FAM171B: variants seen among roughly 807,000 people sequenced by gnomAD.
The protein encoded by FAM171B is family with sequence similarity 171 member B.
In FAM171B, 19 loss-of-function variants were observed where a neutral mutation model predicts 75.6. The observed-to-expected ratio is 0.25, with a 90% CI of 0.18 to 0.37. The LOEUF (loss-of-function observed/expected upper bound fraction) is 0.37, where lower values mean the gene tolerates loss of function less well. Among genes scored for constraint, FAM171B ranks in the 10% least tolerant of loss-of-function variants. The pLI is 1.00. For missense variants in FAM171B, 848 were observed against 982.4 expected, an observed-to-expected ratio of 0.86 and a Z score of 1.83; for synonymous variants, 367 against 361.7, an observed-to-expected ratio of 1.01 and a Z score of -0.17.
chr2:186,720,844 CAG>C (rs1165012887), intron 1 of FAM171B, among the ~76,000 whole-genome samples: 1 of 151,768 alleles, frequency 6.6e-6, no homozygotes, highest in African/African-American at 2.4e-5. Flanking sequence ...TTGAAGATAA[CAG>C]TAATTTGTTT....
intron 1 of FAM171B, among the ~76,000 whole-genome samples, chr2:186,722,469 A>G (rs772938148): frequency 2.6e-5 from 4 of 152,204 alleles, no homozygotes; most frequent in Admixed American, 6.5e-5. Context: ...CTGTGCTCAT[A>G]TGTGCTTTAC....
At chr2:186,723,428 A>G (rs1158423895) in intron 1 of FAM171B, among the ~76,000 whole-genome samples, 2 of 152,240 alleles carry the variant, frequency 1.3e-5, no homozygotes, top group East Asian at 3.9e-4. Flanking sequence ...TTGTTTTCTC[A>G]AATGAGACTT....
intron 1 of FAM171B, among the ~76,000 whole-genome samples, chr2:186,700,638 G>A (rs145629964): frequency 8.3e-4 from 127 of 152,240 alleles, no homozygotes; most frequent in East Asian, 3.1e-3. Flanking sequence ...TGATTCTTCT[G>A]TTGAGGGGTA....
intron 1 of FAM171B, among the ~76,000 whole-genome samples, chr2:186,725,976 A>G (rs1690026431): frequency 6.6e-6 from 1 of 152,344 alleles, no homozygotes; most frequent in African/African-American, 2.4e-5. Flanking sequence ...ACCGGAGTCC[A>G]AATAGTAATG....
At chr2:186,724,608 C>A (rs1355682274) in intron 1 of FAM171B, among the ~76,000 whole-genome samples, 1 of 152,034 alleles carries the variant, frequency 6.6e-6, no homozygotes, top group African/African-American at 2.4e-5. Context: ...TCTTGGGACC[C>A]CTGAAACACG....
chr2:186,727,289 A>G (rs1252073871), intron 1 of FAM171B, among the ~76,000 whole-genome samples: 1 of 152,184 alleles, frequency 6.6e-6, no homozygotes, highest in Non-Finnish European at 1.5e-5. Context: ...CTAAGGGGAC[A>G]TTTATTTGAA....
chr2:186,719,669 T>C (rs1319060237), intron 1 of FAM171B, among the ~76,000 whole-genome samples: 1 of 152,240 alleles, frequency 6.6e-6, no homozygotes, highest in Non-Finnish European at 1.5e-5. Flanking sequence ...ACAGGAGCAG[T>C]CACATTGATA....
chr2:186,710,176 G>T (rs951292094), intron 1 of FAM171B, among the ~76,000 whole-genome samples: 4 of 152,296 alleles, frequency 2.6e-5, no homozygotes, highest in Admixed American at 2.0e-4. Context: ...CAGGCTGGGG[G>T]AACTGAGACA....
chr2:186,698,786 C>CA (rs1327200952), intron 1 of FAM171B, among the ~76,000 whole-genome samples: 1 of 152,160 alleles, frequency 6.6e-6, no homozygotes, highest in Non-Finnish European at 1.5e-5. Context: ...TCCCCACTCC[C>CA]AATACCCTTC....
chr2:186,757,948 G>C lies in FAM171B; in HGVS notation c.1013-3165G>C, dbSNP rs991221461. ...AATCCTCCATACAGATCTACAGCTAGCAGAAAGTTACTCTCATTTCTTTTT... is the reference window on the plus strand; with the variant it reads ...AATCCTCCATACAGATCTACAGCTACCAGAAAGTTACTCTCATTTCTTTTT... On this transcript the variant is annotated intron_variant, in intron 6 of 7. Transcript: ENST00000304698. Among the ~76,000 whole-genome samples the C allele has an allele frequency of 8.0e-4, 121 of 152,182 alleles. 1 individual carries two copies. The highest frequency in any genetic ancestry group is 2.7e-3 in the African/African-American group (114 of 41,460).
chr2:186,738,997 G>A (rs566137809), intron 1 of FAM171B, among the ~76,000 whole-genome samples: 1 of 152,234 alleles, frequency 6.6e-6, no homozygotes, highest in East Asian at 1.9e-4. Flanking sequence ...ATAGGCTATT[G>A]CTCCTAAGCT....
chr2:186,717,654 A>T lies in FAM171B; in HGVS notation c.239-22574A>T, dbSNP rs868626464. Among the ~76,000 whole-genome samples the T allele has an allele frequency of 1.1e-4, 17 of 151,720 alleles. No individual in the cohort carries two copies. The Middle Eastern group carries it at 0.01, about 91-fold the overall frequency. ...GCCAGCTGCTACCTTAGGCCTCAGTATTTTTTCTCTCTCTGCCTGGAAGTC... is the reference window on the plus strand; with the variant it reads ...GCCAGCTGCTACCTTAGGCCTCAGTTTTTTTTCTCTCTCTGCCTGGAAGTC... On this transcript the variant is annotated intron_variant, in intron 1 of 7. Coordinates refer to ENST00000304698, the MANE Select transcript of FAM171B (RefSeq NM_177454.4).
intron 6 of FAM171B, among the ~76,000 whole-genome samples, chr2:186,754,983 C>A (rs750014056): frequency 5.3e-5 from 8 of 152,002 alleles, no homozygotes; most frequent in Non-Finnish European, 1.0e-4. Flanking sequence ...CATGAATTGT[C>A]CACTAGGGAA....
chr2:186,751,245 G>C lies in FAM171B; in HGVS notation c.836G>C (p.Arg279Pro). Reference protein sequence around the residue: ...GSIQVSLPLLRLNDISAGDRI... With the variant: ...GSIQVSLPLLPLNDISAGDRI... ...ATTCAAGTTTCTCTTCCTCTTCTAC[G>C]TCTGAATGATATAAGTGCAGGGGAT... Residue 279 changes from arginine to proline, a missense_variant, in exon 5 of 8, where the codon CGT becomes CCT. Physicochemically the swap from Arg to Pro is moderately radical, Grantham distance 103. Around this residue, in one of 3 missense-constraint regions of FAM171B, gnomAD observed 665 missense variants for 729.0 expected, o/e 0.91. Transcript: ENST00000304698. The C allele has an allele frequency of 6.2e-7, 1 of 1,610,640 alleles. No homozygotes were observed. The highest frequency in any genetic ancestry group is 8.5e-7 in the Non-Finnish European group (1 of 1,177,704).
At chr2:186,737,796 A>T (rs930657) in intron 1 of FAM171B, among the ~76,000 whole-genome samples, 1 of 152,116 alleles carries the variant, frequency 6.6e-6, no homozygotes, top group Non-Finnish European at 1.5e-5. Context: ...TTTTATTCTA[A>T]GAACTTTGAC....
intron 1 of FAM171B, among the ~76,000 whole-genome samples, chr2:186,719,532 A>T (rs1291382363): frequency 2.0e-5 from 3 of 152,192 alleles, no homozygotes; most frequent in African/African-American, 7.2e-5. Context: ...CTCTTAATCT[A>T]TCAAGAGACT....
intron 1 of FAM171B, chr2:186,695,105 G>C (rs1689560024): frequency 6.6e-6 from 1 of 152,216 alleles, no homozygotes; most frequent in African/African-American, 2.4e-5. Context: ...GTGAAGTCTG[G>C]AGTGGTGTTA....
rs1379422467 is a variant in FAM171B at position 186,763,261 on chromosome 2, T to C, written c.*438T>C. The C allele has an allele frequency of 6.3e-6, 1 of 158,928 alleles. No individual in the cohort carries two copies. The highest frequency in any genetic ancestry group is 1.4e-5 in the Non-Finnish European group (1 of 72,328). 9.8% of individuals were successfully genotyped at this position (158,928 alleles called of 1,614,324 possible). ...TTATTTTAAATGTTACTATTACGTCTTCTTCTGCCTATACTTAAAAATAAC... is the reference window on the plus strand; with the variant it reads ...TTATTTTAAATGTTACTATTACGTCCTCTTCTGCCTATACTTAAAAATAAC... On this transcript the variant is annotated 3_prime_UTR_variant, in exon 8 of 8. Coordinates refer to ENST00000304698, the MANE Select transcript of FAM171B (RefSeq NM_177454.4).
intron 1 of FAM171B, among the ~76,000 whole-genome samples, chr2:186,695,705 C>T (rs1369718261): frequency 1.3e-5 from 2 of 152,194 alleles, no homozygotes; most frequent in Non-Finnish European, 2.9e-5. Flanking sequence ...ATTAATAACA[C>T]TCAAGTGTGG....
Sources: allele counts gnomAD v4.1 joint callset (sites outside exome capture counted in the v4.1 genomes callset), GRCh38; gene constraint gnomAD v4.1.1; regional missense constraint gnomAD v4.1.1; transcripts MANE v1.5; gene names NCBI Gene and HGNC (gene_info 2026-07-23, HGNC 2026-07-21).